Variants in KITLG observed in about 807,000 individuals in gnomAD.
KITLG encodes the protein c-Kit ligand.
In KITLG, 13 loss-of-function variants were observed where a neutral mutation model predicts 34.1. That is an observed-to-expected ratio of 0.38 (90% CI 0.25 to 0.61). The LOEUF is 0.61. Among genes scored for constraint, KITLG ranks in the 20% least tolerant of loss-of-function variants. The pLI, the probability that KITLG is intolerant of heterozygous loss-of-function variation, is 0.60. For missense variants in KITLG, 292 were observed against 318.9 expected, an observed-to-expected ratio of 0.92 and a Z score of 0.64; for synonymous variants, 110 against 104.0, an observed-to-expected ratio of 1.06 and a Z score of -0.35.
At chr12:88,502,987 G>A (rs1767549001) in intron 9 of KITLG, among the ~76,000 whole-genome samples, 2 of 152,020 alleles carry the variant, frequency 1.3e-5, no homozygotes, top group Non-Finnish European at 1.5e-5. Context: ...CATGGTTTCA[G>A]CTTGGGAAAT....
intron 1 of KITLG, among the ~76,000 whole-genome samples, chr12:88,566,436 G>A (rs1327407630): frequency 6.6e-6 from 1 of 152,206 alleles, no homozygotes; most frequent in African/African-American, 2.4e-5. Flanking sequence ...AATGTGATAA[G>A]TGATATGATT....
At chr12:88,530,519 T>C (rs1870046418) in intron 3 of KITLG, among the ~76,000 whole-genome samples, 1 of 152,202 alleles carries the variant, frequency 6.6e-6, no homozygotes. Context: ...TCCCAATTAC[T>C]AAACTTTTTG....
intron 6 of KITLG, among the ~76,000 whole-genome samples, chr12:88,508,597 C>CA (rs1291535098): frequency 6.6e-6 from 1 of 150,438 alleles, no homozygotes. Context: ...GGGGAGGAGA[C>CA]AGTGAGGGAT....
intron 5 of KITLG, 116 bp from the exon 6 acceptor site, chr12:88,515,733 A>G (rs1869432129): frequency 1.4e-6 from 1 of 731,012 alleles, no homozygotes; most frequent in South Asian, 1.5e-5. Flanking sequence ...CCAAATCTAG[A>G]GTATTCAGAT....
chr12:88,493,807 G>T lies in KITLG; in HGVS notation c.*3412C>A, dbSNP rs1202977435. 1 of 151,750 alleles carries T rather than the reference G, an allele frequency of 6.6e-6. No individual in the cohort carries two copies. The highest frequency in any genetic ancestry group is 1.5e-5 in the Non-Finnish European group (1 of 67,836). The allele number at this position is 151,750 out of a possible 1,614,324, so 9.4% of individuals were successfully genotyped here. On this transcript the variant is annotated 3_prime_UTR_variant, in exon 10 of 10. Coordinates refer to ENST00000644744, the MANE Select transcript of KITLG (RefSeq NM_000899.5). Reference sequence around the variant, plus strand: ...CTAATATGACTAAAACGTACTACTGGTTTTCATTCTTTGGAGGTGATCCAA... The same window carrying T: ...CTAATATGACTAAAACGTACTACTGTTTTTCATTCTTTGGAGGTGATCCAA...
intron 9 of KITLG, among the ~76,000 whole-genome samples, chr12:88,500,334 A>G (rs1868803910): frequency 6.6e-6 from 1 of 152,174 alleles, no homozygotes; most frequent in African/African-American, 2.4e-5. Flanking sequence ...AGTATCTAGA[A>G]CTGTGTTGAA....
rs569979423 is a variant in KITLG at position 88,552,932 on chromosome 12, T to C, written c.16-7067A>G. 1.1e-4 allele frequency among the ~76,000 whole-genome samples: 17 copies of C among 152,322 alleles called. 1 individual carries two copies. The South Asian group carries it at 3.3e-3, about 30-fold the overall frequency. On this transcript the variant is annotated intron_variant, in intron 1 of 9. Coordinates refer to ENST00000644744, the MANE Select transcript of KITLG (RefSeq NM_000899.5). ...TTGCCTTACCCATCTCATGAACTAG[T>C]AGTAAGAATCAAATGAGAAACTATT...
At chr12:88,540,937 G>A (rs997959563) in intron 2 of KITLG, among the ~76,000 whole-genome samples, 6 of 151,880 alleles carry the variant, frequency 4.0e-5, no homozygotes, top group East Asian at 1.9e-4. Context: ...ATTATTTTTC[G>A]AAGGTCAAAC....
chr12:88,502,084 G>A (rs1868883388), intron 9 of KITLG, among the ~76,000 whole-genome samples: 1 of 152,282 alleles, frequency 6.6e-6, no homozygotes, highest in Middle Eastern at 3.4e-3. Context: ...GTGGCAGTAT[G>A]TGACCTGAGC....
intron 9 of KITLG, among the ~76,000 whole-genome samples, chr12:88,500,235 C>T (rs1049984289): frequency 1.3e-5 from 2 of 152,214 alleles, no homozygotes; most frequent in Non-Finnish European, 2.9e-5. Flanking sequence ...CAAAGTGAAG[C>T]TTTTCTCCTA....
intron 1 of KITLG, among the ~76,000 whole-genome samples, chr12:88,578,838 T>C (rs904175057): frequency 1.3e-5 from 2 of 152,234 alleles, no homozygotes; most frequent in Non-Finnish European, 2.9e-5. Context: ...CTTCTTATAA[T>C]TTCGCAGAAA....
At chr12:88,567,384 T>C (rs1871478043) in intron 1 of KITLG, among the ~76,000 whole-genome samples, 1 of 152,210 alleles carries the variant, frequency 6.6e-6, no homozygotes, top group African/African-American at 2.4e-5. Flanking sequence ...TTTCTCTCTT[T>C]CACAAGTGTT....
At chr12:88,568,867 G>A (rs933104106) in intron 1 of KITLG, among the ~76,000 whole-genome samples, 10 of 152,126 alleles carry the variant, frequency 6.6e-5, no homozygotes, top group Admixed American at 4.6e-4. Context: ...GAGGAAACAA[G>A]AGAAGGAAGC....
chr12:88,543,457 C>A (rs1447313630), intron 2 of KITLG, among the ~76,000 whole-genome samples: 1 of 152,048 alleles, frequency 6.6e-6, no homozygotes, highest in East Asian at 1.9e-4. Context: ...TTTTTTATGG[C>A]TGCATAGTAT....
At chr12:88,507,348 A>G (rs1292678565) in intron 6 of KITLG, among the ~76,000 whole-genome samples, 1 of 152,256 alleles carries the variant, frequency 6.6e-6, no homozygotes, top group Non-Finnish European at 1.5e-5. Context: ...TAAAAAAGAA[A>G]GAAATCACAG....
intron 2 of KITLG, among the ~76,000 whole-genome samples, chr12:88,543,686 C>T (rs188144415): frequency 1.4e-4 from 21 of 152,252 alleles, no homozygotes; most frequent in African/African-American, 5.1e-4. Flanking sequence ...CTTTCCCCGC[C>T]CTTCTCATAT....
At chr12:88,559,590 T>A (rs1871230011) in intron 1 of KITLG, among the ~76,000 whole-genome samples, 1 of 152,192 alleles carries the variant, frequency 6.6e-6, no homozygotes, top group African/African-American at 2.4e-5. Context: ...TTGTCCAAAA[T>A]TAAATCCTAA....
intron 1 of KITLG, 124 bp from the exon 2 acceptor site, chr12:88,545,989 C>A: frequency 1.3e-6 from 1 of 746,662 alleles, no homozygotes. Flanking sequence ...GGCTTAAATG[C>A]AATTAAATAT....
chr12:88,552,486 G>A (rs898840747), intron 1 of KITLG, among the ~76,000 whole-genome samples: 6 of 151,754 alleles, frequency 4.0e-5, no homozygotes, highest in African/African-American at 1.2e-4. Flanking sequence ...CACTGCACCC[G>A]GCCAGTCACT....
Sources: gnomAD v4.1 joint callset for allele counts (sites outside exome capture counted in the v4.1 genomes callset) on GRCh38, gnomAD v4.1.1 for gene constraint, MANE v1.5 for transcripts, NCBI Gene and HGNC (gene_info 2026-07-23, HGNC 2026-07-21) for gene names.